Variants in RBM14 observed in about 807,000 individuals in gnomAD.
RBM14 encodes the protein RNA-binding protein 14.
Under a neutral mutation model 52.8 loss-of-function variants are expected in RBM14, and 5 were observed. That is an observed-to-expected ratio of 0.09 (90% CI 0.05 to 0.20). The LOEUF (loss-of-function observed/expected upper bound fraction) is 0.20. RBM14 is among the 10% of genes least tolerant of loss of function. RBM14 has a pLI of 1.00. For missense variants in RBM14, 780 were observed against 926.6 expected, an observed-to-expected ratio of 0.84 and a Z score of 2.05; for synonymous variants, 411 against 401.8, an observed-to-expected ratio of 1.02 and a Z score of -0.28.
In RBM14 at chr11:66,626,613, A is replaced by G. The variant is rs756211737; in HGVS notation, c.1955A>G (p.Tyr652Cys). 4 of 1,613,518 alleles carry G rather than the reference A, an allele frequency of 2.5e-6. No individual in the cohort carries two copies. The highest frequency in any genetic ancestry group is 2.2e-5 in the South Asian group (2 of 91,016). ...GATTACGCACGCTATTCGGGCTCCT[A>G]TAATGATTACCTGCGGGCGGCTCAG... ...HSDYARYSGS[Y>C]NDYLRAAQMH... Residue 652 changes from tyrosine (Y) to cysteine (C), a missense_variant, in exon 3 of 3, where the codon TAT becomes TGT. Around this residue, in one of 4 missense-constraint regions of RBM14, gnomAD observed 675 missense variants for 697.3 expected, o/e 0.97. Coordinates refer to ENST00000310137, the MANE Select transcript of RBM14 (RefSeq NM_006328.4).
rs1207753692 is a variant in RBM14, at chr11:66,624,732, A to C, written c.856A>C (p.Arg286=). The C allele has an allele frequency of 1.2e-6, 2 of 1,613,872 alleles. No homozygotes were observed. The highest frequency in any genetic ancestry group is 4.5e-5 in the East Asian group (2 of 44,860). ...QPSVSLGAPY[R]GQLASPSSQS... ...CTCTGTCTCCCTTGGGGCACCATAC[A>C]GGGGCCAGCTGGCTAGTCCTAGCTC... Residue 286 remains arginine, a synonymous_variant, in exon 2 of 3, where the codon AGG becomes CGG. Transcript: ENST00000310137. The surrounding 1 kb of genome is among the most constrained non-coding windows in gnomAD (Gnocchi z 4.7).
chr11:66,625,841 C>G lies in RBM14; in HGVS notation c.1802+163C>G. 1 of 629,636 alleles carries G rather than the reference C, an allele frequency of 1.6e-6. No homozygotes were observed. The allele number at this position is 629,636 out of a possible 1,614,324, so 39.0% of individuals were successfully genotyped here. A position where few individuals can be genotyped will look rare whatever the true frequency, so the allele number is the denominator to read the frequency against. ...AGGGGAGCAGTGTCTATGAACTTTC[C>G]TGGTCACCAGGGTTCAGGTGGAGCA... On this transcript the variant is annotated intron_variant, in intron 2 of 2. Coordinates refer to ENST00000310137, the MANE Select transcript of RBM14 (RefSeq NM_006328.4). This position sits in a 1 kb window ranked among gnomAD's most constrained non-coding sequence, Gnocchi z 4.2.
Position 66,625,310 on chromosome 11 carries a change from A to C in RBM14, c.1434A>C (p.Ala478=). 6.2e-7 allele frequency: 1 copy of C among 1,611,576 alleles called. No homozygotes were observed. The highest frequency in any genetic ancestry group is 8.5e-7 in the Non-Finnish European group (1 of 1,178,984). The change falls in exon 2 of 3, where the codon GCA becomes GCC. Residue 478 remains alanine, a synonymous_variant. Transcript: ENST00000310137. This position sits in a 1 kb window ranked among gnomAD's most constrained non-coding sequence, Gnocchi z 4.2. ...QTQLNSYGAQ[A]SMGLSGSYGA... is the part of the protein sequence containing the mutation. ...AGCTGAATAGTTACGGGGCCCAAGCATCAATGGGCCTTTCAGGCTCCTATG... is the reference window on the plus strand; with the variant it reads ...AGCTGAATAGTTACGGGGCCCAAGCCTCAATGGGCCTTTCAGGCTCCTATG...
Position 66,625,781 on chromosome 11 carries a change from T to G in RBM14, c.1802+103T>G, listed in dbSNP as rs1473435235. 4 of 788,054 alleles carry G rather than the reference T, an allele frequency of 5.1e-6. No homozygotes were observed. Among genetic ancestry groups the G allele is most frequent in the Non-Finnish European group, 5.8e-6 (3 of 514,494 alleles). The allele number at this position is 788,054 out of a possible 1,614,324, so 48.8% of individuals were successfully genotyped here. On this transcript the variant is annotated intron_variant, in intron 2 of 2. Coordinates refer to ENST00000310137, the MANE Select transcript of RBM14 (RefSeq NM_006328.4). The surrounding 1 kb of genome is among the most constrained non-coding windows in gnomAD (Gnocchi z 4.2). ...GAGGCATCGGCCCCTCCCTCGGTCT[T>G]CTCTTCTCTATTTTTGTGGGATGTC...
At chr11:66,622,489 C>T (rs1337844291) in intron 1 of RBM14, among the ~76,000 whole-genome samples, 2 of 152,178 alleles carry the variant, frequency 1.3e-5, no homozygotes, top group South Asian at 2.1e-4. Flanking sequence ...CTGCCTTGGC[C>T]TCCCAAAGCC....
chr11:66,617,148 G>T (rs1858875777), intron 1 of RBM14, 91 bp downstream of exon 1: 2 of 1,495,836 alleles, frequency 1.3e-6, no homozygotes, highest in African/African-American at 1.4e-5. Flanking sequence ...TCACTGCGCG[G>T]TTGGGAGGGG....
intron 2 of RBM14, among the ~76,000 whole-genome samples, chr11:66,626,132 C>T (rs142687951): frequency 3.9e-5 from 6 of 152,308 alleles, no homozygotes; most frequent in East Asian, 1.9e-4. Context: ...CGCTTTCATC[C>T]GCCGTTCTGT....
intron 1 of RBM14, chr11:66,617,629 C>G (rs891376065): frequency 6.4e-6 from 6 of 937,856 alleles, no homozygotes; most frequent in Admixed American, 1.2e-4. Flanking sequence ...GGCACAGTTA[C>G]ACGTGGGTAC....
intron 1 of RBM14, chr11:66,623,969 G>A (rs1339582005): frequency 1.3e-6 from 1 of 741,206 alleles, no homozygotes; most frequent in Admixed American, 2.0e-5. Flanking sequence ...AGGAAGTTGG[G>A]TGAGATGGCA....
chr11:66,617,598 T>A, intron 1 of RBM14: 1 of 983,802 alleles, frequency 1.0e-6, no homozygotes, highest in Non-Finnish European at 1.2e-6. Context: ...TTTAGTCTTG[T>A]CTGGCATGGG....
intron 1 of RBM14, chr11:66,617,514 C>T (rs970379197): frequency 1.9e-5 from 19 of 995,894 alleles, no homozygotes; most frequent in East Asian, 1.1e-4. Context: ...CAAGGCCGCC[C>T]TCCTGTTCCC....
At position 66,624,099 on chromosome 11, in the gene RBM14, G is replaced by A. The variant is rs1410310746; in HGVS notation, c.338-115G>A. The stretch of plus-strand genomic sequence containing the variant: ...ACATACTCCTGGAGAGGAGGGTTTG[G>A]AGGCCTTGGAGGTAGCTGGCAACAG... On this transcript the variant is annotated intron_variant, in intron 1 of 2. Coordinates refer to ENST00000310137, the MANE Select transcript of RBM14 (RefSeq NM_006328.4). This position sits in a 1 kb window ranked among gnomAD's most constrained non-coding sequence, Gnocchi z 4.7. 1 of 1,522,026 alleles carries A rather than the reference G, an allele frequency of 6.6e-7. No individual in the cohort carries two copies. Among genetic ancestry groups the A allele is most frequent in the Non-Finnish European group, 8.9e-7 (1 of 1,125,462 alleles). 94.3% of individuals were successfully genotyped at this position (1,522,026 alleles called of 1,614,324 possible).
At position 66,627,626 on chromosome 11, in the gene RBM14, C is replaced by T. The variant is rs1283268370; in HGVS notation, c.*958C>T. 6.6e-6 allele frequency among the ~76,000 whole-genome samples: 1 copy of T among 152,226 alleles called. No individual in the cohort carries two copies. Among genetic ancestry groups the T allele is most frequent in the Non-Finnish European group, 1.5e-5 (1 of 68,044 alleles). On this transcript the variant is annotated 3_prime_UTR_variant, in exon 3 of 3. Coordinates refer to ENST00000310137, the MANE Select transcript of RBM14 (RefSeq NM_006328.4). Reference sequence around the variant, plus strand: ...TGCAGTAAATGATGCCCATTTTCCTCTGCCTGTGCTTGACCATTTTCACTG... The same window carrying T: ...TGCAGTAAATGATGCCCATTTTCCTTTGCCTGTGCTTGACCATTTTCACTG...
In RBM14 at chr11:66,624,852, T is replaced by A; in HGVS notation, c.976T>A (p.Ser326Thr). 1.2e-6 allele frequency: 2 copies of A among 1,613,732 alleles called. No homozygotes were observed. The highest frequency in any genetic ancestry group is 1.7e-6 in the Non-Finnish European group (2 of 1,179,884). The change falls in exon 2 of 3, where the codon TCT (serine) becomes ACT (threonine). Residue 326 changes from serine to threonine, a missense_variant. Around this residue, in one of 4 missense-constraint regions of RBM14, gnomAD observed 675 missense variants for 697.3 expected, o/e 0.97. Coordinates refer to ENST00000310137, the MANE Select transcript of RBM14 (RefSeq NM_006328.4). The surrounding 1 kb of genome is among the most constrained non-coding windows in gnomAD (Gnocchi z 4.7). ...SSYGGQAAAA[S>T]SLNSYGAQGS... is the part of the protein sequence containing the mutation. The stretch of plus-strand genomic sequence containing the variant: ...CTATGGGGGTCAGGCAGCTGCAGCT[T>A]CTTCGCTCAACTCCTATGGGGCTCA...
At position 66,626,756 on chromosome 11, in the gene RBM14, T is replaced by G; in HGVS notation, c.*88T>G. The G allele has an allele frequency of 7.8e-7, 1 of 1,277,476 alleles. No homozygotes were observed. The highest frequency in any genetic ancestry group is 1.1e-6 in the Non-Finnish European group (1 of 944,444). The allele number at this position is 1,277,476 out of a possible 1,614,324, so 79.1% of individuals were successfully genotyped here. The stretch of plus-strand genomic sequence containing the variant: ...TCCAGGTTATAACTACTCTGGCCCA[T>G]ACCTTTCCTGGTTGTGGTTTTTCAT... On this transcript the variant is annotated 3_prime_UTR_variant, in exon 3 of 3. Transcript: ENST00000310137.
intron 1 of RBM14, chr11:66,618,499 ATAC>A: frequency 1.4e-6 from 1 of 717,418 alleles, no homozygotes; most frequent in Non-Finnish European, 2.6e-6. Flanking sequence ...AACTCAGGTT[ATAC>A]AAGTCCACGA....
rs1193708677 is a variant in RBM14, at chr11:66,625,753, CTG to C, written c.1802+76_1802+77del. On this transcript the variant is annotated intron_variant, in intron 2 of 2. Coordinates refer to ENST00000310137, the MANE Select transcript of RBM14 (RefSeq NM_006328.4). This position sits in a 1 kb window ranked among gnomAD's most constrained non-coding sequence, Gnocchi z 4.2. The stretch of plus-strand genomic sequence containing the variant: ...GGCTGAGGTTGGCATGGGAGGGAAA[CTG>C]GAGGCATCGGCCCCTCCCTCGGTCT... The C allele has an allele frequency of 6.8e-6, 8 of 1,179,472 alleles. No homozygotes were observed. The highest frequency in any genetic ancestry group is 9.5e-6 in the Non-Finnish European group (8 of 842,940). 73.1% of individuals were successfully genotyped at this position (1,179,472 alleles called of 1,614,324 possible). A position where few individuals can be genotyped will look rare whatever the true frequency, so the allele number is the denominator to read the frequency against.
Position 66,625,966 on chromosome 11 carries a change from T to G in RBM14, c.1802+288T>G, listed in dbSNP as rs902750593. ...ATTGGAGCTACTGCCTGCAGGACTG[T>G]GGCCCATATCCTTTCCCACTGTCTC... On this transcript the variant is annotated intron_variant, in intron 2 of 2. Coordinates refer to ENST00000310137, the MANE Select transcript of RBM14 (RefSeq NM_006328.4). This position sits in a 1 kb window ranked among gnomAD's most constrained non-coding sequence, Gnocchi z 4.2. Among the ~76,000 whole-genome samples, 1 of 152,202 alleles carries G rather than the reference T, an allele frequency of 6.6e-6. No individual in the cohort carries two copies. The highest frequency in any genetic ancestry group is 1.5e-5 in the Non-Finnish European group (1 of 68,026).
In RBM14 at chr11:66,624,877, A is replaced by C; in HGVS notation, c.1001A>C (p.Gln334Pro). 2 of 1,613,894 alleles carry C rather than the reference A, an allele frequency of 1.2e-6. No individual in the cohort carries two copies. Among genetic ancestry groups the C allele is most frequent in the Non-Finnish European group, 1.7e-6 (2 of 1,179,936 alleles). The change falls in exon 2 of 3, where the codon CAG (glutamine) becomes CCG (proline). Residue 334 changes from glutamine to proline, a missense_variant. Coordinates refer to ENST00000310137, the MANE Select transcript of RBM14 (RefSeq NM_006328.4). This position sits in a 1 kb window ranked among gnomAD's most constrained non-coding sequence, Gnocchi z 4.7. ...AASSLNSYGA[Q>P]GSSLASYGNQ... The stretch of plus-strand genomic sequence containing the variant: ...TCTTCGCTCAACTCCTATGGGGCTC[A>C]GGGTTCCTCCCTTGCCTCCTATGGT...
Sources: gnomAD v4.1 joint callset for allele counts (sites outside exome capture counted in the v4.1 genomes callset) on GRCh38, gnomAD v4.1.1 for gene constraint, gnomAD v4.1.1 regional missense constraint, Gnocchi (gnomAD v3.1) non-coding constraint, MANE v1.5 for transcripts, NCBI Gene and HGNC (gene_info 2026-07-23, HGNC 2026-07-21) for gene names.